The following PRKN variants were observed in gnomAD, a reference collection of about 807,000 sequenced individuals.
PRKN encodes the protein parkin RBR E3 ubiquitin protein ligase.
PRKN carries 56 observed loss-of-function variants against 59.5 expected under a neutral mutation model. The observed-to-expected ratio is 0.94, with a 90% CI of 0.76 to 1.18. PRKN has a LOEUF of 1.18. PRKN is among the 50% of genes most tolerant of loss of function. PRKN has a pLI of 0.00. For synonymous variants in PRKN, 250 were observed against 222.1 expected, an observed-to-expected ratio of 1.13 and a Z score of -1.12; for missense variants, 657 against 596.4, an observed-to-expected ratio of 1.10 and a Z score of -1.06.
Position 161,359,989 on chromosome 6 carries a change from C to T in PRKN, c.1285+99G>A. The T allele has an allele frequency of 1.1e-6, 1 of 902,688 alleles. No individual in the cohort carries two copies. The highest frequency in any genetic ancestry group is 1.3e-5 in the South Asian group (1 of 76,306). The allele number at this position is 902,688 out of a possible 1,614,324, so 55.9% of individuals were successfully genotyped here. A position where few individuals can be genotyped will look rare whatever the true frequency, so the allele number is the denominator to read the frequency against. On this transcript the variant is annotated intron_variant, in intron 11 of 11. Transcript: ENST00000366898. The surrounding 1 kb of genome is among the most constrained non-coding windows in gnomAD (Gnocchi z 5.4). Reference sequence around the variant, plus strand: ...AGGGGTTACCCAACACACCAGGCACCTTCAGACAGCATCTCCTTTAATCCT... The same window carrying T: ...AGGGGTTACCCAACACACCAGGCACTTTCAGACAGCATCTCCTTTAATCCT...
At chr6:161,924,742 T>TA (rs919757973) in intron 6 of PRKN, among the ~76,000 whole-genome samples, 8 of 152,020 alleles carry the variant, frequency 5.3e-5, no homozygotes, top group African/African-American at 1.2e-4. Context: ...TTTAAGCTGT[T>TA]AAAAAAAATG....
chr6:161,422,810 A>G (rs1275593527), intron 9 of PRKN, among the ~76,000 whole-genome samples: 1 of 152,142 alleles, frequency 6.6e-6, no homozygotes, highest in Non-Finnish European at 1.5e-5. Context: ...TTTCAAAGCT[A>G]CTTCTTCTAG....
chr6:161,574,325 AC>A (rs746680621), intron 7 of PRKN, among the ~76,000 whole-genome samples: 1 of 152,120 alleles, frequency 6.6e-6, no homozygotes, highest in Non-Finnish European at 1.5e-5. Context: ...AGAGAGGAAA[AC>A]ATGGGCCTGG....
Position 161,933,048 on chromosome 6 carries a change from G to A in PRKN, c.734+40254C>T, listed in dbSNP as rs549100007. Among the ~76,000 whole-genome samples, 13 of 152,324 alleles carry A rather than the reference G, an allele frequency of 8.5e-5. No homozygotes were observed. In the East Asian group the frequency reaches 2.1e-3, roughly 25 times the overall value. On this transcript the variant is annotated intron_variant, in intron 6 of 11. Transcript: ENST00000366898. ...TAATCCCGTCACTTTGGGAGGCGGA[G>A]GCAGGCGGATCACCTGATGTCAGGA...
chr6:162,160,230 C>T (rs1315703122), intron 4 of PRKN, among the ~76,000 whole-genome samples: 1 of 152,102 alleles, frequency 6.6e-6, no homozygotes, highest in African/African-American at 2.4e-5. Flanking sequence ...CAATAAAAAA[C>T]AGGCAAAAGA....
At chr6:161,788,783 G>T (rs775202121) in intron 6 of PRKN, among the ~76,000 whole-genome samples, 1 of 152,182 alleles carries the variant, frequency 6.6e-6, no homozygotes, top group East Asian at 1.9e-4. Flanking sequence ...CTTCGGAAAA[G>T]AAAGAAATTT....
intron 6 of PRKN, among the ~76,000 whole-genome samples, chr6:161,900,160 A>T (rs894172303): frequency 2.0e-5 from 3 of 148,668 alleles, no homozygotes; most frequent in Non-Finnish European, 4.5e-5. Context: ...ATAATCGGAA[A>T]ATTTTAGTGA....
At chr6:161,564,000 C>T (rs1006367868) in intron 8 of PRKN, among the ~76,000 whole-genome samples, 3 of 152,146 alleles carry the variant, frequency 2.0e-5, no homozygotes, top group Non-Finnish European at 4.4e-5. Flanking sequence ...CTTCACTCTC[C>T]CTTGTCTACA....
chr6:162,176,929 C>T (rs1583155509), intron 4 of PRKN, among the ~76,000 whole-genome samples: 2 of 145,710 alleles, frequency 1.4e-5, no homozygotes, highest in Admixed American at 6.8e-5. Flanking sequence ...AATGAAATTC[C>T]TTTTTTTTTT....
intron 9 of PRKN, among the ~76,000 whole-genome samples, chr6:161,524,141 A>T (rs13205522): frequency 4.6e-5 from 7 of 152,124 alleles, no homozygotes; most frequent in Non-Finnish European, 1.0e-4. Flanking sequence ...CTGTGCATAG[A>T]TCTATCACAG....
chr6:161,607,682 G>A (rs569073131), intron 7 of PRKN, among the ~76,000 whole-genome samples: 1 of 152,264 alleles, frequency 6.6e-6, no homozygotes, highest in South Asian at 2.1e-4. Flanking sequence ...GACCTAACAC[G>A]TTTCATATCC....
At chr6:162,636,302 T>A (rs1216314457) in intron 1 of PRKN, among the ~76,000 whole-genome samples, 5 of 151,910 alleles carry the variant, frequency 3.3e-5, no homozygotes, top group African/African-American at 7.2e-5. Context: ...AAGCCCAACA[T>A]GAAATAAATA....
intron 1 of PRKN, among the ~76,000 whole-genome samples, chr6:162,633,428 G>A: frequency 3.4e-5 from 1 of 29,420 alleles, no homozygotes; most frequent in Non-Finnish European, 5.2e-5. Flanking sequence ...GAGCAAGACT[G>A]TCTCAAAAAA....
chr6:162,579,265 A>C (rs1456601254), intron 1 of PRKN, among the ~76,000 whole-genome samples: 1 of 152,128 alleles, frequency 6.6e-6, no homozygotes, highest in African/African-American at 2.4e-5. Flanking sequence ...TGACTTTTCA[A>C]ATCTTTTATC....
intron 1 of PRKN, among the ~76,000 whole-genome samples, chr6:162,475,780 C>G (rs1028081380): frequency 1.3e-5 from 2 of 152,230 alleles, no homozygotes; most frequent in Non-Finnish European, 2.9e-5. Context: ...GACGGAGTCT[C>G]GCTTTGTCGC....
At chr6:162,530,833 G>C (rs1440072918) in intron 1 of PRKN, among the ~76,000 whole-genome samples, 1 of 152,106 alleles carries the variant, frequency 6.6e-6, no homozygotes, top group African/African-American at 2.4e-5. Flanking sequence ...GAGGTGGGTG[G>C]AATGCCTGAG....
chr6:161,555,990 A>G (rs1780223845), intron 8 of PRKN, among the ~76,000 whole-genome samples: 1 of 152,214 alleles, frequency 6.6e-6, no homozygotes, highest in African/African-American at 2.4e-5. Flanking sequence ...ACAACACATC[A>G]CCTAGTCTAT....
intron 2 of PRKN, among the ~76,000 whole-genome samples, chr6:162,318,005 C>T (rs1218858954): frequency 6.6e-6 from 1 of 151,920 alleles, no homozygotes; most frequent in East Asian, 1.9e-4. Flanking sequence ...CCAACACCAC[C>T]ATCCAACTCC....
At chr6:162,000,538 A>G (rs1003488952) in intron 5 of PRKN, among the ~76,000 whole-genome samples, 2 of 151,756 alleles carry the variant, frequency 1.3e-5, no homozygotes, top group Non-Finnish European at 2.9e-5. Context: ...AGTTCTTTGT[A>G]TATTTTGGAT....
Sources: allele counts gnomAD v4.1 joint callset (sites outside exome capture counted in the v4.1 genomes callset), GRCh38; gene constraint gnomAD v4.1.1; non-coding constraint Gnocchi (gnomAD v3.1); transcripts MANE v1.5; gene names NCBI Gene and HGNC (gene_info 2026-07-23, HGNC 2026-07-21).